The following CDH12 variants were observed in gnomAD, a reference collection of about 807,000 sequenced individuals.
CDH12 encodes cadherin-12.
Under a neutral mutation model 74.1 loss-of-function variants are expected in CDH12, and 41 were observed. That is an observed-to-expected ratio of 0.55 (90% confidence interval 0.43 to 0.72). The LOEUF is 0.72. CDH12 is among the 30% of genes least tolerant of loss of function. The probability of loss-of-function intolerance (pLI) is 0.00; values close to 1 mark genes in which losing one functional copy is unlikely to be tolerated. For missense variants in CDH12, 945 were observed against 977.2 expected, an observed-to-expected ratio of 0.97 and a Z score of 0.44; for synonymous variants, 399 against 355.0, an observed-to-expected ratio of 1.12 and a Z score of -1.39.
chr5:22,135,619 G>A (rs1580304700), intron 4 of CDH12, among the ~76,000 whole-genome samples: 2 of 152,040 alleles, frequency 1.3e-5, no homozygotes, highest in East Asian at 3.9e-4. Context: ...TATTCAGACC[G>A]AGTGGTCTTC....
In CDH12 at chr5:21,782,631, G is replaced by T. The variant is rs947913371; in HGVS notation, c.1393+727C>A. Among the ~76,000 whole-genome samples the T allele has an allele frequency of 9.9e-5, 15 of 152,158 alleles. 1 individual carries two copies. The highest frequency in any genetic ancestry group is 4.6e-4 in the Admixed American group (7 of 15,264). ...CGTTTCAAGAGACCATAAGTAAAAG[G>T]AATGGGGAGCTGCACTTTTATTAAG... On this transcript the variant is annotated intron_variant, in intron 11 of 14. Coordinates refer to ENST00000382254, the MANE Select transcript of CDH12 (RefSeq NM_004061.5).
intron 3 of CDH12, among the ~76,000 whole-genome samples, chr5:22,337,036 C>A (rs891581748): frequency 6.6e-6 from 1 of 152,164 alleles, no homozygotes; most frequent in African/African-American, 2.4e-5. Context: ...ATAAGTGTGA[C>A]CTGAATGGGA....
In CDH12 at chr5:22,424,203, A is replaced by G. The variant is rs141648327; in HGVS notation, c.-427-18852T>C. ...CCTCCTTGTGTGCCTACATCTTCTT[A>G]CCATGTATCTGTGAATGGGATCTTA... On this transcript the variant is annotated intron_variant, in intron 2 of 14. Coordinates refer to ENST00000382254, the MANE Select transcript of CDH12 (RefSeq NM_004061.5). 2.2e-3 allele frequency among the ~76,000 whole-genome samples: 339 copies of G among 152,140 alleles called. 2 individuals are homozygous for G. The highest frequency in any genetic ancestry group is 7.9e-3 in the African/African-American group (328 of 41,516).
At position 21,834,747 on chromosome 5, in the gene CDH12, A is replaced by G. The variant is rs565556903; in HGVS notation, c.814+7414T>C. On this transcript the variant is annotated intron_variant, in intron 8 of 14. Coordinates refer to ENST00000382254, the MANE Select transcript of CDH12 (RefSeq NM_004061.5). ...AAACCTTACCATGCATTTTGTAGTC[A>G]AAACTTCTTTATTAAATTATATGTT... is the stretch of plus-strand genomic sequence containing the variant. 6.6e-4 allele frequency among the ~76,000 whole-genome samples: 100 copies of G among 152,098 alleles called. No individual in the cohort carries two copies. In the Middle Eastern group the frequency reaches 0.014, roughly 21 times the overall value.
chr5:22,388,844 T>C (rs1383628245), intron 3 of CDH12, among the ~76,000 whole-genome samples: 1 of 152,142 alleles, frequency 6.6e-6, no homozygotes, highest in East Asian at 1.9e-4. Flanking sequence ...ATGGAAAGAG[T>C]GTTGAATTGC....
intron 3 of CDH12, among the ~76,000 whole-genome samples, chr5:22,386,039 T>C (rs1741985627): frequency 6.6e-6 from 1 of 151,908 alleles, no homozygotes; most frequent in Admixed American, 6.6e-5. Context: ...ATTACAGGCA[T>C]GTGGCACCAT....
intron 1 of CDH12, among the ~76,000 whole-genome samples, chr5:22,831,351 T>TTGTG (rs1554007029): frequency 0.13 from 17,550 of 138,386 alleles, 1,392 homozygotes; most frequent in Non-Finnish European, 0.18. Context: ...GTTTTGGAGT[T>TTGTG]TGTGTGTGTG....
At chr5:22,451,024 ACT>A (rs979409634) in intron 2 of CDH12, among the ~76,000 whole-genome samples, 28 of 151,630 alleles carry the variant, frequency 1.8e-4, no homozygotes, top group Admixed American at 1.3e-4. Context: ...AAAGCATTTA[ACT>A]CTCATTCTCC....
chr5:21,890,883 GA>G (rs1752867733), intron 6 of CDH12, among the ~76,000 whole-genome samples: 1 of 152,006 alleles, frequency 6.6e-6, no homozygotes, highest in Admixed American at 6.6e-5. Context: ...AAAATTTAAA[GA>G]AACTTGTCAA....
chr5:22,265,198 A>C (rs1030365928), intron 3 of CDH12, among the ~76,000 whole-genome samples: 1 of 152,202 alleles, frequency 6.6e-6, no homozygotes, highest in Non-Finnish European at 1.5e-5. Context: ...TATGTATAAC[A>C]TCAATCAGCA....
intron 5 of CDH12, among the ~76,000 whole-genome samples, chr5:22,009,195 G>A (rs1196315464): frequency 1.3e-5 from 2 of 152,138 alleles, no homozygotes; most frequent in Non-Finnish European, 2.9e-5. Flanking sequence ...CACCACTAAG[G>A]CCATGTTCTT....
At chr5:22,772,507 A>C (rs913295563) in intron 1 of CDH12, among the ~76,000 whole-genome samples, 1 of 152,078 alleles carries the variant, frequency 6.6e-6, no homozygotes, top group Non-Finnish European at 1.5e-5. Flanking sequence ...CACTCATTTC[A>C]CCGAGGAATA....
intron 1 of CDH12, among the ~76,000 whole-genome samples, chr5:22,834,909 G>C (rs1002823956): frequency 1.3e-5 from 2 of 151,962 alleles, no homozygotes; most frequent in African/African-American, 4.8e-5. Flanking sequence ...AAAAGAGTGA[G>C]GAAGGAGAGT....
At chr5:22,490,919 C>T (rs921457562) in intron 2 of CDH12, among the ~76,000 whole-genome samples, 1 of 152,160 alleles carries the variant, frequency 6.6e-6, no homozygotes, top group Non-Finnish European at 1.5e-5. Context: ...GGTTTCTTCC[C>T]TTTACATACA....
chr5:22,590,775 C>T (rs1238558286), intron 1 of CDH12, among the ~76,000 whole-genome samples: 6 of 152,038 alleles, frequency 3.9e-5, no homozygotes, highest in Non-Finnish European at 8.8e-5. Flanking sequence ...AGTATTACAC[C>T]CCAGTCAGGG....
At chr5:22,183,846 A>G (rs1749784809) in intron 4 of CDH12, among the ~76,000 whole-genome samples, 1 of 152,232 alleles carries the variant, frequency 6.6e-6, no homozygotes, top group Admixed American at 6.5e-5. Context: ...GAAAGGATAA[A>G]GAAAGCAGTG....
In CDH12 at chr5:22,449,927, T is replaced by C. The variant is rs1198750417; in HGVS notation, c.-427-44576A>G. 2.6e-5 allele frequency among the ~76,000 whole-genome samples: 4 copies of C among 151,980 alleles called. No individual in the cohort carries two copies. In the East Asian group the frequency reaches 7.7e-4, roughly 29 times the overall value. Reference sequence around the variant, plus strand: ...GTATTATTTTATTGCCAACCTCTCCTTTTCTTCCTCATAGTGATTTCATGT... The same window carrying C: ...GTATTATTTTATTGCCAACCTCTCCCTTTCTTCCTCATAGTGATTTCATGT... On this transcript the variant is annotated intron_variant, in intron 2 of 14. Coordinates refer to ENST00000382254, the MANE Select transcript of CDH12 (RefSeq NM_004061.5).
intron 1 of CDH12, among the ~76,000 whole-genome samples, chr5:22,584,110 A>AT (rs1452164858): frequency 7.6e-6 from 1 of 131,102 alleles, no homozygotes; most frequent in South Asian, 2.5e-4. Flanking sequence ...TTATTTATTT[A>AT]TTATTTTTGA....
chr5:22,357,676 A>C (rs1023774907), intron 3 of CDH12, among the ~76,000 whole-genome samples: 4 of 152,182 alleles, frequency 2.6e-5, no homozygotes, highest in African/African-American at 9.6e-5. Flanking sequence ...TAAGTCAGTG[A>C]GTAGTTAATA....
Sources: gnomAD v4.1 joint callset for allele counts (sites outside exome capture counted in the v4.1 genomes callset) on GRCh38, gnomAD v4.1.1 for gene constraint, MANE v1.5 for transcripts, NCBI Gene and HGNC (gene_info 2026-07-23, HGNC 2026-07-21) for gene names.